GAL3ST1: variants seen among roughly 807,000 people sequenced by gnomAD.
GAL3ST1 encodes galactosylceramide sulfotransferase.
Under a neutral mutation model 25.0 loss-of-function variants are expected in GAL3ST1, and 13 were observed. That is an observed-to-expected ratio of 0.52 (90% CI 0.34 to 0.83). The LOEUF is 0.83. Among genes scored for constraint, GAL3ST1 ranks in the 40% least tolerant of loss-of-function variants. GAL3ST1 has a pLI of 0.02. For synonymous variants in GAL3ST1, 274 were observed against 277.8 expected (o/e 0.99, Z 0.14); for missense variants, 474 against 613.6 (o/e 0.77, Z 2.40).
intron 1 of GAL3ST1, among the ~76,000 whole-genome samples, chr22:30,565,491 G>A (rs2086593541): frequency 6.6e-6 from 1 of 152,168 alleles, no homozygotes. Context: ...TGGGAACCCA[G>A]AAGAATGAAC....
chr22:30,558,008 G>A (rs755351251), intron 2 of GAL3ST1, among the ~76,000 whole-genome samples: 74 of 151,502 alleles, frequency 4.9e-4, no homozygotes, highest in Non-Finnish European at 9.3e-4. Context: ...GGCTGGTCTC[G>A]AACTCCTGGG....
At chr22:30,569,707 G>A (rs750843581) in intron 1 of GAL3ST1, among the ~76,000 whole-genome samples, 37 of 152,300 alleles carry the variant, frequency 2.4e-4, no homozygotes, top group South Asian at 6.2e-4. Flanking sequence ...CTGTGCTTAC[G>A]GAGCAGGGTG....
intron 1 of GAL3ST1, among the ~76,000 whole-genome samples, chr22:30,569,608 A>G (rs2146430482): frequency 6.6e-6 from 1 of 151,734 alleles, no homozygotes; most frequent in East Asian, 1.9e-4. Context: ...GGAGGGAAAG[A>G]GGTAGGCGGG....
In GAL3ST1 at chr22:30,555,287, G is replaced by T; in HGVS notation, c.938C>A (p.Ala313Asp). ...GGCCTCCACCTTGCGCCAGAAGCTG[G>T]CGTTGAAGTGGCGGTAGAGGTGGGA... ...LDSHLYRHFN[A>D]SFWRKVEAFG... Residue 313 changes from alanine to aspartate, a missense_variant, in exon 4 of 4, where the codon GCC becomes GAC. Physicochemically the swap from Ala to Asp is moderately radical, Grantham distance 126. Coordinates refer to ENST00000406361, the MANE Select transcript of GAL3ST1 (RefSeq NM_001318104.2). This position sits in a 1 kb window ranked among gnomAD's most constrained non-coding sequence, Gnocchi z 8.6. The T allele has an allele frequency of 6.2e-7, 1 of 1,603,776 alleles. No individual in the cohort carries two copies. Among genetic ancestry groups the T allele is most frequent in the Non-Finnish European group, 8.5e-7 (1 of 1,176,658 alleles).
intron 1 of GAL3ST1, among the ~76,000 whole-genome samples, chr22:30,570,491 G>A (rs1293853954): frequency 6.6e-6 from 1 of 152,260 alleles, no homozygotes; most frequent in African/African-American, 2.4e-5. Context: ...ACTGAGGCTC[G>A]GAGAGATTAA....
At chr22:30,573,830 A>T (rs2086840025) in intron 1 of GAL3ST1, among the ~76,000 whole-genome samples, 1 of 152,150 alleles carries the variant, frequency 6.6e-6, no homozygotes. Flanking sequence ...CTGGCACCGA[A>T]GGGGCAGATC....
Position 30,555,118 on chromosome 22 carries a change from G to A in GAL3ST1, c.1107C>T (p.Gly369=). The A allele has an allele frequency of 6.2e-7, 1 of 1,611,754 alleles. No homozygotes were observed. The highest frequency in any genetic ancestry group is 8.5e-7 in the Non-Finnish European group (1 of 1,179,596). The change falls in exon 4 of 4, where the codon GGC becomes GGT. Residue 369 remains glycine, a synonymous_variant. Transcript: ENST00000406361. This position sits in a 1 kb window ranked among gnomAD's most constrained non-coding sequence, Gnocchi z 8.6. The part of the protein sequence containing the change: ...DEAMQPWQPL[G]TKSILGYNLK... ...GGTTGTAGCCCAGGATGGACTTGGT[G>A]CCCAGCGGCTGCCAGGGCTGCATGG...
intron 1 of GAL3ST1, chr22:30,572,847 G>T (rs2086822598): frequency 6.6e-6 from 1 of 152,336 alleles, no homozygotes; most frequent in South Asian, 2.1e-4. Flanking sequence ...CTGCAGCCGG[G>T]CCCAGAATTC....
chr22:30,571,141 T>C (rs1569013783), intron 1 of GAL3ST1, among the ~76,000 whole-genome samples: 1 of 152,150 alleles, frequency 6.6e-6, no homozygotes, highest in Non-Finnish European at 1.5e-5. Context: ...GGCAAGACAC[T>C]CTGCCCTCTC....
Position 30,556,109 on chromosome 22 carries a change from A to G in GAL3ST1, c.132-16T>C, listed in dbSNP as rs1234748471. The G allele has an allele frequency of 2.5e-6, 4 of 1,588,360 alleles. No individual in the cohort carries two copies. The highest frequency in any genetic ancestry group is 1.7e-4 in the Middle Eastern group (1 of 5,968). ...CTCCGGGGTCCTGCTGGGGACAGAG[A>G]GGTGGGGAGAGCCTCAGGGGGGTGC... On this transcript the variant is annotated splice_polypyrimidine_tract_variant and intron_variant, in intron 3 of 3. Coordinates refer to ENST00000406361, the MANE Select transcript of GAL3ST1 (RefSeq NM_001318104.2).
Position 30,554,759 on chromosome 22 carries a change from T to C in GAL3ST1, c.*194A>G. On this transcript the variant is annotated 3_prime_UTR_variant, in exon 4 of 4. Transcript: ENST00000406361. ...ATAAAAACTGGTATAATTAGTTAAATACTGATCTCGGTTAGGCCCTCTCTG... is the reference window on the plus strand; with the variant it reads ...ATAAAAACTGGTATAATTAGTTAAACACTGATCTCGGTTAGGCCCTCTCTG... The C allele has an allele frequency of 1.9e-6, 1 of 515,636 alleles. No individual in the cohort carries two copies. 31.9% of individuals were successfully genotyped at this position (515,636 alleles called of 1,614,324 possible). A position where few individuals can be genotyped will look rare whatever the true frequency, so the allele number is the denominator to read the frequency against.
chr22:30,561,881 A>AC (rs1203658002), intron 1 of GAL3ST1, among the ~76,000 whole-genome samples: 1 of 151,690 alleles, frequency 6.6e-6, no homozygotes, highest in Non-Finnish European at 1.5e-5. Context: ...TATGAACCTC[A>AC]CCCTCCCTAA....
chr22:30,574,232 G>A (rs1398770276), intron 1 of GAL3ST1, among the ~76,000 whole-genome samples: 1 of 151,624 alleles, frequency 6.6e-6, no homozygotes, highest in Non-Finnish European at 1.5e-5. Flanking sequence ...GGGGGACAGG[G>A]GAAAAAACCA....
intron 1 of GAL3ST1, among the ~76,000 whole-genome samples, chr22:30,567,104 G>A (rs903065477): frequency 6.6e-6 from 1 of 151,860 alleles, no homozygotes; most frequent in African/African-American, 2.4e-5. Context: ...TTACAGACAT[G>A]CACCATGGTG....
intron 2 of GAL3ST1, chr22:30,557,687 A>G: frequency 3.2e-6 from 1 of 308,458 alleles, no homozygotes; most frequent in Non-Finnish European, 5.9e-6. Flanking sequence ...GTAGAGAACC[A>G]GGGCCCCAAA....
At chr22:30,559,531 G>A (rs374858684) in intron 1 of GAL3ST1, among the ~76,000 whole-genome samples, 42 of 152,142 alleles carry the variant, frequency 2.8e-4, no homozygotes, top group Non-Finnish European at 5.0e-4. Context: ...GAGCCACCGC[G>A]CCTGGCCCAT....
At chr22:30,566,769 T>A in intron 1 of GAL3ST1, among the ~76,000 whole-genome samples, 1 of 150,066 alleles carries the variant, frequency 6.7e-6, no homozygotes, top group Non-Finnish European at 1.5e-5. Context: ...TCCACCATGC[T>A]CGGCTAATTT....
At chr22:30,561,896 C>G (rs1211220501) in intron 1 of GAL3ST1, among the ~76,000 whole-genome samples, 1 of 152,160 alleles carries the variant, frequency 6.6e-6, no homozygotes, top group Non-Finnish European at 1.5e-5. Context: ...CCCTAAGCCT[C>G]AGTCTCCTCG....
chr22:30,573,396 C>A (rs764211166), intron 1 of GAL3ST1, among the ~76,000 whole-genome samples: 9 of 152,176 alleles, frequency 5.9e-5, no homozygotes, highest in Non-Finnish European at 8.8e-5. Context: ...CCTCAGTATC[C>A]CCCTCTGGAT....
Sources: gnomAD v4.1 joint callset for allele counts (sites outside exome capture counted in the v4.1 genomes callset) on GRCh38, gnomAD v4.1.1 for gene constraint, Gnocchi (gnomAD v3.1) non-coding constraint, MANE v1.5 for transcripts, NCBI Gene and HGNC (gene_info 2026-07-23, HGNC 2026-07-21) for gene names.